Variants in ENOSF1 observed in about 807,000 individuals in gnomAD.
ENOSF1 encodes enolase superfamily member 1.
Under a neutral mutation model 68.2 loss-of-function variants are expected in ENOSF1, and 73 were observed. The observed-to-expected ratio is 1.07, with a 90% CI of 0.89 to 1.30. ENOSF1 has a LOEUF of 1.30. ENOSF1 is among the 50% of genes most tolerant of loss of function. ENOSF1 has a pLI of 0.00. For missense variants in ENOSF1, 589 were observed against 554.5 expected (o/e 1.06, Z -0.62); for synonymous variants, 223 against 210.4 (o/e 1.06, Z -0.52).
chr18:667,865 C>T (rs1166094197), downstream of ENOSF1: 3 of 151,880 alleles, frequency 2.0e-5, no homozygotes, highest in Admixed American at 1.3e-4. Flanking sequence ...TCAATTATTT[C>T]TTGTCGCTTA....
At chr18:709,305 G>A (rs1272322554) in intron 1 of ENOSF1, among the ~76,000 whole-genome samples, 1 of 152,112 alleles carries the variant, frequency 6.6e-6, no homozygotes, top group Admixed American at 6.5e-5. Flanking sequence ...GAGGGAAGAA[G>A]GGGCCAGTGG....
chr18:702,251 C>A (rs1330767586), intron 2 of ENOSF1, among the ~76,000 whole-genome samples: 1 of 80,952 alleles, frequency 1.2e-5, no homozygotes, highest in Admixed American at 2.0e-4. Context: ...GCAACAAGAG[C>A]GAAACTACAT....
intron 2 of ENOSF1, 97 bp downstream of exon 2, chr18:706,373 T>C: frequency 1.2e-6 from 1 of 838,712 alleles, no homozygotes; most frequent in Non-Finnish European, 2.0e-6. Context: ...AGATCAGAAC[T>C]CAATCTAAAT....
At chr18:681,616 G>T (rs2076083246) in intron 11 of ENOSF1, among the ~76,000 whole-genome samples, 1 of 152,142 alleles carries the variant, frequency 6.6e-6, no homozygotes, top group Non-Finnish European at 1.5e-5. Flanking sequence ...TTTAAATAAT[G>T]AAGGCTGTGG....
intron 1 of ENOSF1, among the ~76,000 whole-genome samples, chr18:708,151 A>C (rs1264829861): frequency 2.6e-5 from 4 of 151,488 alleles, no homozygotes; most frequent in African/African-American, 9.7e-5. Flanking sequence ...GTGAGCCACC[A>C]CGCCCGGCCA....
intron 5 of ENOSF1, 23 bp downstream of exon 5, chr18:693,853 ACAATTG>A: frequency 6.2e-7 from 1 of 1,612,728 alleles, no homozygotes; most frequent in South Asian, 1.1e-5. Context: ...ATTTACAGAA[ACAATTG>A]TAACATTAAC....
chr18:702,719 A>G (rs1184252240), intron 2 of ENOSF1, among the ~76,000 whole-genome samples: 1 of 152,238 alleles, frequency 6.6e-6, no homozygotes, highest in Non-Finnish European at 1.5e-5. Context: ...AGCCTGGGTG[A>G]CAGAGCAAGA....
intron 11 of ENOSF1, among the ~76,000 whole-genome samples, chr18:682,401 C>T (rs1162208729): frequency 6.6e-6 from 1 of 152,132 alleles, no homozygotes; most frequent in African/African-American, 2.4e-5. Flanking sequence ...ATGCGTTGCA[C>T]CACATTACAA....
At chr18:702,038 C>A (rs965596385) in intron 2 of ENOSF1, among the ~76,000 whole-genome samples, 1 of 151,474 alleles carries the variant, frequency 6.6e-6, no homozygotes, top group Admixed American at 6.6e-5. Context: ...CTGAGGCAGG[C>A]GGATTGCTTG....
intron 5 of ENOSF1, chr18:693,325 CTTTTT>C (rs984507314): frequency 1.5e-5 from 18 of 1,211,166 alleles, no homozygotes; most frequent in African/African-American, 6.4e-5. Flanking sequence ...AGTATCTTTT[CTTTTT>C]TCTTTTTTTG....
intron 3 of ENOSF1, 40 bp downstream of exon 3, chr18:697,200 A>C: frequency 7.4e-7 from 1 of 1,349,330 alleles, no homozygotes; most frequent in Admixed American, 1.7e-5. Context: ...GACCTTGGTA[A>C]TATTACTTAT....
chr18:696,414 T>C (rs1174464043), intron 3 of ENOSF1, among the ~76,000 whole-genome samples: 3 of 152,018 alleles, frequency 2.0e-5, no homozygotes, highest in Admixed American at 6.6e-5. Context: ...GGTTTCACCA[T>C]GTTAGCCAGG....
chr18:666,623 C>T (rs952579844), downstream of ENOSF1, among the ~76,000 whole-genome samples: 2 of 152,200 alleles, frequency 1.3e-5, no homozygotes, highest in Non-Finnish European at 2.9e-5. Context: ...AGTCACATTT[C>T]ACCTCCAGCC....
rs1173193290 is a variant in ENOSF1, at chr18:674,365, C to T, written c.1272G>A (p.Lys424=). Residue 424 remains lysine (K), a synonymous_variant, in exon 16 of 16, where the codon AAG becomes AAA. Transcript: ENST00000647584. ...YSTEMKEESV[K]KHQYPDGEVW... ...CTTCACCATCTGGATACTGGTGTTT[C>T]TTTACAGATTCCTCCTTCATTTCTG... 1.9e-6 allele frequency: 3 copies of T among 1,613,096 alleles called. No individual in the cohort carries two copies. In the South Asian group the frequency reaches 3.3e-5, roughly 18 times the overall value.
Position 674,346 on chromosome 18 carries a change from C to T in ENOSF1, c.1291G>A (p.Gly431Ser). Residue 431 changes from glycine (G) to serine (S), a missense_variant, in exon 16 of 16, where the codon GGT (glycine) becomes AGT (serine). Physicochemically the swap from Gly to Ser is moderately conservative, Grantham distance 56. Coordinates refer to ENST00000647584, the MANE Select transcript of ENOSF1 (RefSeq NM_017512.7). ...GGAAGGAGTTTCTTCCAAACTTCAC[C>T]ATCTGGATACTGGTGTTTCTTTACA... ...ESVKKHQYPD[G>S]EVWKKLLPAQ... 6.2e-7 allele frequency: 1 copy of T among 1,612,386 alleles called. No individual in the cohort carries two copies. Among genetic ancestry groups the T allele is most frequent in the Non-Finnish European group, 8.5e-7 (1 of 1,179,342 alleles).
chr18:675,254 T>G, intron 15 of ENOSF1, 67 bp downstream of exon 15: 4 of 1,228,896 alleles, frequency 3.3e-6, no homozygotes, highest in Non-Finnish European at 4.7e-6. Flanking sequence ...CACAGTCTAG[T>G]TCACGAGACA....
chr18:667,151 ATGGT>A (rs1567990096), downstream of ENOSF1, among the ~76,000 whole-genome samples: 2 of 99,774 alleles, frequency 2.0e-5, no homozygotes, highest in Admixed American at 9.0e-5. Flanking sequence ...GGTGATGGTG[ATGGT>A]GATGGAGATG....
intron 1 of ENOSF1, among the ~76,000 whole-genome samples, chr18:709,791 T>C (rs1368654166): frequency 2.0e-5 from 3 of 152,070 alleles, no homozygotes; most frequent in Non-Finnish European, 4.4e-5. Flanking sequence ...CAGGAGTCTT[T>C]AGCAGATTTT....
At chr18:687,534 G>A (rs557171381) in intron 9 of ENOSF1, 1 of 152,344 alleles carries the variant, frequency 6.6e-6, no homozygotes, top group South Asian at 2.1e-4. Context: ...AGTCAGATAG[G>A]AAGCCTGGTG....
Sources: gnomAD v4.1 joint callset for allele counts (sites outside exome capture counted in the v4.1 genomes callset) on GRCh38, gnomAD v4.1.1 for gene constraint, MANE v1.5 for transcripts, NCBI Gene and HGNC (gene_info 2026-07-23, HGNC 2026-07-21) for gene names.